The following CACNA1H variants were observed in gnomAD, a reference collection of about 807,000 sequenced individuals.
The protein encoded by CACNA1H is calcium voltage-gated channel subunit alpha1 H, also known as voltage-dependent T-type calcium channel subunit alpha-1H.
CACNA1H carries 149 observed loss-of-function variants against 192.5 expected under a neutral mutation model. The observed-to-expected ratio is 0.77, with a 90% CI of 0.68 to 0.89. The LOEUF (loss-of-function observed/expected upper bound fraction) is 0.89. CACNA1H is among the 40% of genes least tolerant of loss of function. CACNA1H has a pLI of 0.00. For synonymous variants in CACNA1H, 2,202 were observed against 1,475.2 expected (o/e 1.49, Z -11.29); for missense variants, 4,257 against 3,423.5 (o/e 1.24, Z -6.08).
rs1969748987 is a variant in CACNA1H, at chr16:1,213,869, A to G, written c.4867A>G (p.Ile1623Val). Residue 1623 changes from isoleucine to valine, a missense_variant, in exon 27 of 35, where the codon ATC (isoleucine) becomes GTC (valine). By Grantham distance (29) the Ile-to-Val change is conservative. Coordinates refer to ENST00000348261, the MANE Select transcript of CACNA1H (RefSeq NM_021098.3). ...LCTSHYLDLF[I>V]TFIICVNVIT... ...CACCAGCCACTATCTCGACCTCTTC[A>G]TCACCTTCATCATCTGTGTCAACGT... The G allele has an allele frequency of 1.2e-6, 2 of 1,610,932 alleles. No homozygotes were observed. The highest frequency in any genetic ancestry group is 2.2e-5 in the East Asian group (1 of 44,766).
At position 1,219,051 on chromosome 16, in the gene CACNA1H, G is replaced by A; in HGVS notation, c.5969G>A (p.Arg1990Lys). ...CCATTGGCTGTGTCGTCCCCAGCCA[G>A]GAGCGGCGAGCCCCTCCACGCCCTG... ...QIPLAVSSPA[R>K]SGEPLHALSP... Residue 1990 changes from arginine (R) to lysine (K), a missense_variant, in exon 34 of 35, where the codon AGG (arginine) becomes AAG (lysine). Arg to Lys is a conservative substitution (Grantham distance 26). Transcript: ENST00000348261. The A allele has an allele frequency of 6.5e-7, 1 of 1,549,964 alleles. No individual in the cohort carries two copies. The highest frequency in any genetic ancestry group is 8.7e-7 in the Non-Finnish European group (1 of 1,146,808).
chr16:1,158,522 C>T (rs1233047730), intron 2 of CACNA1H, among the ~76,000 whole-genome samples: 2 of 152,216 alleles, frequency 1.3e-5, no homozygotes, highest in Non-Finnish European at 2.9e-5. Context: ...GGCCGCACGC[C>T]CCGTGGGACG....
intron 2 of CACNA1H, among the ~76,000 whole-genome samples, chr16:1,193,920 TC>T (rs1966827478): frequency 6.6e-6 from 1 of 152,036 alleles, no homozygotes; most frequent in South Asian, 2.1e-4. Context: ...CTTCCTGTGA[TC>T]CCTGAGAGTT....
Position 1,217,952 on chromosome 16 carries a change from G to A in CACNA1H, c.5357G>A (p.Ser1786Asn). The A allele has an allele frequency of 6.2e-7, 1 of 1,605,676 alleles. No homozygotes were observed. The highest frequency in any genetic ancestry group is 8.5e-7 in the Non-Finnish European group (1 of 1,176,878). Residue 1786 changes from serine to asparagine, a missense_variant, in exon 32 of 35, where the codon AGC becomes AAC. Coordinates refer to ENST00000348261, the MANE Select transcript of CACNA1H (RefSeq NM_021098.3). ...CSEDNPCEGLSRHATFSNFGM... is the reference protein window; with the variant it reads ...CSEDNPCEGLNRHATFSNFGM... ...GAAGACAACCCCTGCGAGGGCCTGA[G>A]CAGGCACGCCACCTTCAGCAACTTC...
chr16:1,198,897 A>G (rs1967337363), intron 6 of CACNA1H, 123 bp downstream of exon 6: 3 of 815,716 alleles, frequency 3.7e-6, no homozygotes, highest in Admixed American at 5.4e-5. Context: ...CCGCCCCGCC[A>G]CTGCTGTCCC....
chr16:1,206,099 C>G lies in CACNA1H; in HGVS notation c.2604-5C>G. ...CCGCTGACCCTCGCCCCCACCTGTC[C>G]GCAGCGTCTGGGAGATCGTGGGGCA... On this transcript the variant is annotated splice_region_variant and splice_polypyrimidine_tract_variant and intron_variant, in intron 11 of 34. Coordinates refer to ENST00000348261, the MANE Select transcript of CACNA1H (RefSeq NM_021098.3). 1 of 1,566,408 alleles carries G rather than the reference C, an allele frequency of 6.4e-7. No homozygotes were observed. The highest frequency in any genetic ancestry group is 8.6e-7 in the Non-Finnish European group (1 of 1,158,914).
Position 1,167,424 on chromosome 16 carries a change from C to A in CACNA1H, c.299+13388C>A, listed in dbSNP as rs1294877697. ...TTTGCACGGCATCCATCCCTCCATCCGTCCTCTGGAGAATTTCAACACCCA... is the reference window on the plus strand; with the variant it reads ...TTTGCACGGCATCCATCCCTCCATCAGTCCTCTGGAGAATTTCAACACCCA... On this transcript the variant is annotated intron_variant, in intron 2 of 34. Transcript: ENST00000348261. The surrounding 1 kb of genome is among the most constrained non-coding windows in gnomAD (Gnocchi z 4.2). Among the ~76,000 whole-genome samples the A allele has an allele frequency of 2.0e-5, 3 of 152,126 alleles. No homozygotes were observed. The highest frequency in any genetic ancestry group is 7.2e-5 in the African/African-American group (3 of 41,416).
chr16:1,184,663 G>T (rs116085340), intron 2 of CACNA1H, among the ~76,000 whole-genome samples: 241 of 152,376 alleles, frequency 1.6e-3, no homozygotes, highest in African/African-American at 5.6e-3. Flanking sequence ...TGGGGCATGT[G>T]AGGGCCTTCT....
chr16:1,167,283 G>A lies in CACNA1H; in HGVS notation c.299+13247G>A, dbSNP rs118064415. On this transcript the variant is annotated intron_variant, in intron 2 of 34. Transcript: ENST00000348261. This position sits in a 1 kb window ranked among gnomAD's most constrained non-coding sequence, Gnocchi z 4.2. ...CCCGTCCCGGTGGGTGGGGCTTGCC[G>A]GCCGCCCGCGAATGTCAGGAACCTT... 1.4e-4 allele frequency among the ~76,000 whole-genome samples: 21 copies of A among 152,236 alleles called. No homozygotes were observed. In the East Asian group the frequency reaches 2.9e-3, roughly 21 times the overall value.
In CACNA1H at chr16:1,206,307, C is replaced by T. The variant is rs1968698897; in HGVS notation, c.2789+18C>T. ...ATCTTCAGGTGGGCGCAACCCCCCT[C>T]CCGGCCCGCCCAGTGTCTCACCCCA... On this transcript the variant is annotated intron_variant, in intron 12 of 34. Coordinates refer to ENST00000348261, the MANE Select transcript of CACNA1H (RefSeq NM_021098.3). 1 of 1,546,098 alleles carries T rather than the reference C, an allele frequency of 6.5e-7. No individual in the cohort carries two copies.
intron 18 of CACNA1H, 104 bp from the exon 19 acceptor site, chr16:1,210,266 A>G: frequency 1.6e-6 from 2 of 1,250,930 alleles, no homozygotes; most frequent in Non-Finnish European, 2.3e-6. Context: ...CACCGCAGGG[A>G]CCGGGGCTGA....
chr16:1,181,669 T>C (rs113267354), intron 2 of CACNA1H, among the ~76,000 whole-genome samples: 52 of 152,344 alleles, frequency 3.4e-4, no homozygotes, highest in African/African-American at 1.0e-3. Flanking sequence ...CTTTTAAAAT[T>C]GTGCGCAGTT....
intron 2 of CACNA1H, among the ~76,000 whole-genome samples, chr16:1,171,645 A>C (rs752393794): frequency 6.6e-6 from 1 of 152,076 alleles, no homozygotes; most frequent in African/African-American, 2.4e-5. Flanking sequence ...CAGTTTGCCA[A>C]GGCCGCCTGG....
intron 2 of CACNA1H, among the ~76,000 whole-genome samples, chr16:1,174,269 G>A (rs1190163205): frequency 1.3e-5 from 2 of 152,218 alleles, no homozygotes; most frequent in African/African-American, 4.8e-5. Context: ...CCACCCCATG[G>A]CCACGGGCCA....
intron 2 of CACNA1H, 65 bp from the exon 3 acceptor site, chr16:1,194,907 T>C: frequency 1.7e-6 from 2 of 1,182,604 alleles, no homozygotes; most frequent in East Asian, 2.4e-5. Flanking sequence ...CGGGTGGGCA[T>C]TTGGAGGGCC....
At chr16:1,203,273 T>C (rs1968213209) in intron 9 of CACNA1H, among the ~76,000 whole-genome samples, 1 of 152,152 alleles carries the variant, frequency 6.6e-6, no homozygotes, top group African/African-American at 2.4e-5. Flanking sequence ...ACAGGACGGC[T>C]CGATGGTCAT....
intron 2 of CACNA1H, among the ~76,000 whole-genome samples, chr16:1,154,590 T>G (rs1962050137): frequency 6.6e-6 from 1 of 151,862 alleles, no homozygotes; most frequent in African/African-American, 2.4e-5. Context: ...TGACGTTGGT[T>G]GTGAACTCGC....
In CACNA1H at chr16:1,214,239, C is replaced by A. The variant is rs1969801460; in HGVS notation, c.4929+308C>A. Among the ~76,000 whole-genome samples the A allele has an allele frequency of 2.6e-5, 4 of 152,196 alleles. No homozygotes were observed. In the South Asian group the frequency reaches 8.3e-4, roughly 31 times the overall value. On this transcript the variant is annotated intron_variant, in intron 27 of 34. Transcript: ENST00000348261. ...CCGACCCATGGGGAGGGGCGGGAGC[C>A]AGGCAGGCCTGAGGTGGAGTTTTTC...
In CACNA1H at chr16:1,204,298, A is replaced by G. The variant is rs1968380129; in HGVS notation, c.2291A>G (p.Gln764Arg). 3 of 1,602,976 alleles carry G rather than the reference A, an allele frequency of 1.9e-6. No individual in the cohort carries two copies. Among genetic ancestry groups the G allele is most frequent in the African/African-American group, 2.7e-5 (2 of 74,718 alleles). Reference sequence around the variant, plus strand: ...CCAGGCAGCCCCCAGCGGCGGGCACAGCAGAGGGCAGCCCCGGGCGAGCCA... The same window carrying G: ...CCAGGCAGCCCCCAGCGGCGGGCACGGCAGAGGGCAGCCCCGGGCGAGCCA... ...PGPGSPQRRA[Q>R]QRAAPGEPGW... Residue 764 changes from glutamine (Q) to arginine (R), a missense_variant, in exon 10 of 35, where the codon CAG becomes CGG. Transcript: ENST00000348261.
Sources: gnomAD v4.1 joint callset for allele counts (sites outside exome capture counted in the v4.1 genomes callset) on GRCh38, gnomAD v4.1.1 for gene constraint, Gnocchi (gnomAD v3.1) non-coding constraint, MANE v1.5 for transcripts, NCBI Gene and HGNC (gene_info 2026-07-23, HGNC 2026-07-21) for gene names.